Variants in CTNNA3 observed in about 807,000 individuals in gnomAD.
CTNNA3 encodes catenin alpha 3, also known as catenin alpha-3.
Under a neutral mutation model 95.7 loss-of-function variants are expected in CTNNA3, and 76 were observed. That is an observed-to-expected ratio of 0.79 (90% CI 0.66 to 0.96). The LOEUF is 0.96. Ranked by LOEUF, CTNNA3 falls within the 40% of genes least tolerant of loss-of-function variation. The pLI, the probability that CTNNA3 is intolerant of heterozygous loss-of-function variation, is 0.00. For synonymous variants in CTNNA3, 431 were observed against 374.4 expected (o/e 1.15, Z -1.74); for missense variants, 1,191 against 1,089.8 (o/e 1.09, Z -1.31).
chr10:67,562,980 A>G (rs1163292701), intron 3 of CTNNA3, among the ~76,000 whole-genome samples: 1 of 152,076 alleles, frequency 6.6e-6, no homozygotes, highest in African/African-American at 2.4e-5. Flanking sequence ...CTGCTCAATG[A>G]AATAAAAGAG....
At chr10:67,189,868 A>T (rs774005080) in intron 6 of CTNNA3, among the ~76,000 whole-genome samples, 30 of 152,302 alleles carry the variant, frequency 2.0e-4, no homozygotes, top group Non-Finnish European at 4.1e-4. Flanking sequence ...AAAATCTGAC[A>T]CTATGACGGA....
chr10:66,314,677 T>C (rs183843059), intron 12 of CTNNA3, among the ~76,000 whole-genome samples: 1 of 152,214 alleles, frequency 6.6e-6, no homozygotes, highest in Admixed American at 6.5e-5. Context: ...TTGAATAAAA[T>C]AGAGTAGAAC....
intron 7 of CTNNA3, among the ~76,000 whole-genome samples, chr10:67,054,339 C>T (rs923456059): frequency 1.6e-4 from 24 of 152,108 alleles, no homozygotes; most frequent in Admixed American, 6.5e-4. Flanking sequence ...AGAGATGTGA[C>T]CTATAGGTTC....
In CTNNA3 at chr10:67,464,902, T is replaced by C. The variant is rs145558543; in HGVS notation, c.579+56940A>G. 3.7e-3 allele frequency among the ~76,000 whole-genome samples: 564 copies of C among 151,868 alleles called. 8 individuals are homozygous for C. Among genetic ancestry groups the C allele is most frequent in the African/African-American group, 0.013 (539 of 41,500 alleles). ...GAAAAAGAAAGTACAGATCATTCAG[T>C]ATTCTTCCTTCTTAGAGGCTTCGGG... is the stretch of plus-strand genomic sequence containing the variant. On this transcript the variant is annotated intron_variant, in intron 5 of 17. Transcript: ENST00000433211.
chr10:66,046,114 A>G (rs1046073076), intron 15 of CTNNA3, among the ~76,000 whole-genome samples: 6 of 152,124 alleles, frequency 3.9e-5, no homozygotes, highest in Non-Finnish European at 7.4e-5. Context: ...CCCACAGAGA[A>G]CAAAGAAGGG....
intron 12 of CTNNA3, among the ~76,000 whole-genome samples, chr10:66,350,045 A>T (rs2092554950): frequency 6.6e-6 from 1 of 152,134 alleles, no homozygotes; most frequent in South Asian, 2.1e-4. Flanking sequence ...CACATTGGTG[A>T]TATAAAGTTA....
At chr10:65,943,205 A>C (rs1251365712) in intron 17 of CTNNA3, among the ~76,000 whole-genome samples, 1 of 151,896 alleles carries the variant, frequency 6.6e-6, no homozygotes, top group South Asian at 2.1e-4. Context: ...CTGGGACTAC[A>C]GGCGCCCACC....
At position 67,494,196 on chromosome 10, in the gene CTNNA3, G is replaced by A. The variant is rs146087075; in HGVS notation, c.579+27646C>T. 2.0e-5 allele frequency among the ~76,000 whole-genome samples: 3 copies of A among 152,130 alleles called. No homozygotes were observed. The East Asian group carries it at 5.8e-4, about 29-fold the overall frequency. ...GATTCCACTGAAGAAGAAAACTGAG[G>A]GTTTTTTTAATTGCTTTATAATTTG... is the stretch of plus-strand genomic sequence containing the variant. On this transcript the variant is annotated intron_variant, in intron 5 of 17. Coordinates refer to ENST00000433211, the MANE Select transcript of CTNNA3 (RefSeq NM_013266.4).
intron 5 of CTNNA3, among the ~76,000 whole-genome samples, chr10:67,372,619 C>G (rs1843520155): frequency 6.6e-6 from 1 of 152,084 alleles, no homozygotes; most frequent in African/African-American, 2.4e-5. Flanking sequence ...TCAGGATATA[C>G]AGAGAACACC....
rs552475263 is a variant in CTNNA3 at position 67,753,819 on chromosome 10, T to C, written c.-2+9615A>G. 3.3e-5 allele frequency among the ~76,000 whole-genome samples: 5 copies of C among 152,338 alleles called. No homozygotes were observed. The South Asian group carries it at 8.3e-4, about 25-fold the overall frequency. On this transcript the variant is annotated intron_variant, in intron 1 of 17. Transcript: ENST00000684154. Reference sequence around the variant, plus strand: ...TATTATAAAGTCAAGAAACAACAGATGCTGGCAAGGCTGTGGAGGAATAGG... The same window carrying C: ...TATTATAAAGTCAAGAAACAACAGACGCTGGCAAGGCTGTGGAGGAATAGG...
chr10:67,545,054 T>C (rs1404893504), intron 3 of CTNNA3, among the ~76,000 whole-genome samples: 1 of 144,006 alleles, frequency 6.9e-6, no homozygotes, highest in African/African-American at 2.8e-5. Flanking sequence ...TAAAAAAAAT[T>C]TTTTCATAAC....
At chr10:67,163,667 A>G (rs529959764) in intron 7 of CTNNA3, among the ~76,000 whole-genome samples, 14 of 152,104 alleles carry the variant, frequency 9.2e-5, no homozygotes, top group Admixed American at 7.9e-4. Flanking sequence ...CAGATTTAAA[A>G]GGAAGAAATA....
chr10:67,386,520 T>C (rs1200081036), intron 5 of CTNNA3, among the ~76,000 whole-genome samples: 1 of 152,126 alleles, frequency 6.6e-6, no homozygotes, highest in African/African-American at 2.4e-5. Flanking sequence ...CAACACTTGT[T>C]TGAACTGAGT....
chr10:67,230,046 G>A (rs1056040469), intron 5 of CTNNA3, among the ~76,000 whole-genome samples: 1 of 152,140 alleles, frequency 6.6e-6, no homozygotes, highest in Non-Finnish European at 1.5e-5. Context: ...AAATCTGGAG[G>A]TATCACACCA....
At chr10:67,536,578 A>C (rs56292426) in intron 4 of CTNNA3, among the ~76,000 whole-genome samples, 132 of 152,282 alleles carry the variant, frequency 8.7e-4, no homozygotes, top group African/African-American at 3.0e-3. Flanking sequence ...CATAAACATT[A>C]TTAGAAAAAT....
At chr10:67,005,527 T>C (rs1228917486) in intron 7 of CTNNA3, among the ~76,000 whole-genome samples, 1 of 151,988 alleles carries the variant, frequency 6.6e-6, no homozygotes, top group East Asian at 1.9e-4. Flanking sequence ...GACTTCCCAG[T>C]GTTATTGCTG....
Position 66,210,371 on chromosome 10 carries a change from C to T in CTNNA3, c.1884+70099G>A, listed in dbSNP as rs150341556. ...AGTCTTTGCTTACTCTAAATAATTG[C>T]ACATCAATTGAGTCCAGGGTTCTTG... is the stretch of plus-strand genomic sequence containing the variant. On this transcript the variant is annotated intron_variant, in intron 13 of 17. Coordinates refer to ENST00000433211, the MANE Select transcript of CTNNA3 (RefSeq NM_013266.4). 9.9e-5 allele frequency among the ~76,000 whole-genome samples: 15 copies of T among 151,140 alleles called. No homozygotes were observed. The East Asian group carries it at 2.9e-3, about 29-fold the overall frequency.
At chr10:66,380,255 C>T (rs1487984658) in intron 11 of CTNNA3, among the ~76,000 whole-genome samples, 1 of 151,798 alleles carries the variant, frequency 6.6e-6, no homozygotes, top group Non-Finnish European at 1.5e-5. Flanking sequence ...TGTGTGTTTG[C>T]TACAAAGGAC....
At chr10:67,076,161 A>G (rs1364957976) in intron 7 of CTNNA3, among the ~76,000 whole-genome samples, 1 of 152,274 alleles carries the variant, frequency 6.6e-6, no homozygotes, top group African/African-American at 2.4e-5. Context: ...GAATAATTTC[A>G]GAAGATTCAA....
Sources: allele counts gnomAD v4.1 joint callset (sites outside exome capture counted in the v4.1 genomes callset), GRCh38; gene constraint gnomAD v4.1.1; transcripts MANE v1.5; gene names NCBI Gene and HGNC (gene_info 2026-07-23, HGNC 2026-07-21).